The following USP32 variants were observed in gnomAD, a reference collection of about 807,000 sequenced individuals.
The protein encoded by USP32 is ubiquitin carboxyl-terminal hydrolase 32.
In USP32, 59 loss-of-function variants were observed where a neutral mutation model predicts 204.8. The observed-to-expected ratio is 0.29, with a 90% CI of 0.23 to 0.36. The LOEUF (loss-of-function observed/expected upper bound fraction) is 0.36, where lower values mean the gene tolerates loss of function less well. Among genes scored for constraint, USP32 ranks in the 10% least tolerant of loss-of-function variants. The pLI is 1.00. For missense variants in USP32, 1,160 were observed against 1,946.4 expected, an observed-to-expected ratio of 0.60 and a Z score of 7.60; for synonymous variants, 517 against 678.4, an observed-to-expected ratio of 0.76 and a Z score of 3.70.
chr17:60,268,582 CAAAA>C (rs57060420), intron 7 of USP32, among the ~76,000 whole-genome samples: 1 of 45,464 alleles, frequency 2.2e-5, no homozygotes, highest in East Asian at 7.4e-4. Flanking sequence ...GACCCTGTCT[CAAAA>C]AAAAAAAAAA....
At chr17:60,322,066 G>T (rs1567851309) in intron 2 of USP32, among the ~76,000 whole-genome samples, 1 of 152,088 alleles carries the variant, frequency 6.6e-6, no homozygotes, top group Non-Finnish European at 1.5e-5. Flanking sequence ...TAAGTAAAAT[G>T]TGACAACTAG....
chr17:60,290,987 C>T (rs759812109), intron 4 of USP32, among the ~76,000 whole-genome samples: 1 of 152,154 alleles, frequency 6.6e-6, no homozygotes, highest in Non-Finnish European at 1.5e-5. Flanking sequence ...TTACAATGTC[C>T]TAAGAACTGC....
At chr17:60,351,065 A>G (rs964924134) in intron 1 of USP32, among the ~76,000 whole-genome samples, 1 of 152,102 alleles carries the variant, frequency 6.6e-6, no homozygotes, top group African/African-American at 2.4e-5. Flanking sequence ...AAGCAAACGA[A>G]TTTACCCTGT....
At position 60,194,728 on chromosome 17, in the gene USP32, A is replaced by G. The variant is rs372376073; in HGVS notation, c.3435-1798T>C. Among the ~76,000 whole-genome samples, 5 of 152,150 alleles carry G rather than the reference A, an allele frequency of 3.3e-5. No individual in the cohort carries two copies. In the South Asian group the frequency reaches 1.0e-3, roughly 32 times the overall value. Reference sequence around the variant, plus strand: ...AGACCTTGTGAATACAAACTTTTCTACCTCCAAAATCTCAATTCCAAGTAT... The same window carrying G: ...AGACCTTGTGAATACAAACTTTTCTGCCTCCAAAATCTCAATTCCAAGTAT... On this transcript the variant is annotated intron_variant, in intron 27 of 33. Transcript: ENST00000300896.
chr17:60,391,305 C>T (rs1263512300), intron 1 of USP32, among the ~76,000 whole-genome samples: 1 of 152,140 alleles, frequency 6.6e-6, no homozygotes, highest in African/African-American at 2.4e-5. Context: ...TCGTTCTTAT[C>T]AAAGTCAGCC....
intron 11 of USP32, among the ~76,000 whole-genome samples, chr17:60,247,324 C>T (rs542136579): frequency 4.6e-5 from 7 of 151,812 alleles, no homozygotes; most frequent in Admixed American, 2.0e-4. Flanking sequence ...GGATTACAGG[C>T]GCCTGCCACC....
chr17:60,187,807 A>G (rs2084287385), intron 29 of USP32, among the ~76,000 whole-genome samples: 1 of 152,160 alleles, frequency 6.6e-6, no homozygotes, highest in African/African-American at 2.4e-5. Flanking sequence ...TAGATCCTCT[A>G]CTATTGTTTA....
intron 2 of USP32, among the ~76,000 whole-genome samples, chr17:60,311,343 T>G (rs1192930489): frequency 6.6e-6 from 1 of 152,244 alleles, no homozygotes; most frequent in African/African-American, 2.4e-5. Flanking sequence ...TAATACACTG[T>G]TATACTAATA....
At chr17:60,357,937 T>C (rs1376919919) in intron 1 of USP32, among the ~76,000 whole-genome samples, 1 of 151,890 alleles carries the variant, frequency 6.6e-6, no homozygotes, top group Non-Finnish European at 1.5e-5. Flanking sequence ...CCCAGCTAAT[T>C]TTGTATTTTT....
chr17:60,248,783 T>C (rs1322904856), intron 11 of USP32, among the ~76,000 whole-genome samples: 2 of 152,252 alleles, frequency 1.3e-5, no homozygotes, highest in African/African-American at 2.4e-5. Flanking sequence ...GAAGTCTTTG[T>C]GTGCTAAGGA....
At chr17:60,356,894 GA>G (rs1332551200) in intron 1 of USP32, among the ~76,000 whole-genome samples, 5 of 150,570 alleles carry the variant, frequency 3.3e-5, no homozygotes, top group African/African-American at 1.2e-4. Flanking sequence ...GTTCAAAGAA[GA>G]AAAAAAAACA....
chr17:60,185,824 G>A, intron 29 of USP32, 173 bp from the exon 30 acceptor site: 3 of 688,788 alleles, frequency 4.4e-6, no homozygotes, highest in Non-Finnish European at 6.7e-6. Context: ...CACTTTAGGA[G>A]GCCGAGGTGG....
At chr17:60,243,176 T>A (rs1020468394) in intron 11 of USP32, among the ~76,000 whole-genome samples, 2 of 152,330 alleles carry the variant, frequency 1.3e-5, no homozygotes, top group Non-Finnish European at 2.9e-5. Context: ...ATCTAGTACA[T>A]GACAATTCAA....
intron 1 of USP32, among the ~76,000 whole-genome samples, chr17:60,352,637 T>C (rs1432032513): frequency 2.0e-5 from 3 of 152,238 alleles, no homozygotes; most frequent in Non-Finnish European, 2.9e-5. Context: ...CAGGTTTACA[T>C]GCACATTGGT....
At chr17:60,327,754 G>T in intron 2 of USP32, among the ~76,000 whole-genome samples, 1 of 152,224 alleles carries the variant, frequency 6.6e-6, no homozygotes, top group South Asian at 2.1e-4. Context: ...GCAGGCTCAG[G>T]AATGTCTGCT....
chr17:60,272,912 G>T (rs1280241922), intron 5 of USP32, among the ~76,000 whole-genome samples: 1 of 152,184 alleles, frequency 6.6e-6, no homozygotes, highest in Non-Finnish European at 1.5e-5. Context: ...AGTAAGCTGT[G>T]TATACATGAA....
chr17:60,235,120 C>T (rs777837750), intron 12 of USP32, among the ~76,000 whole-genome samples: 11 of 152,056 alleles, frequency 7.2e-5, no homozygotes, highest in Non-Finnish European at 1.0e-4. Context: ...TGTGTTCCTA[C>T]GGAAAACAAA....
At chr17:60,232,947 A>ACTCATTT (rs1375352021) in intron 12 of USP32, among the ~76,000 whole-genome samples, 2 of 152,200 alleles carry the variant, frequency 1.3e-5, no homozygotes, top group African/African-American at 4.8e-5. Flanking sequence ...CACTGGGCTA[A>ACTCATTT]GTGCTTCACA....
At chr17:60,218,209 C>T (rs1302277531) in intron 16 of USP32, among the ~76,000 whole-genome samples, 2 of 151,842 alleles carry the variant, frequency 1.3e-5, no homozygotes, top group Non-Finnish European at 1.5e-5. Flanking sequence ...ATGGTGAAAC[C>T]CCGTCTCTAT....
Sources: gnomAD v4.1 joint callset for allele counts (sites outside exome capture counted in the v4.1 genomes callset) on GRCh38, gnomAD v4.1.1 for gene constraint, MANE v1.5 for transcripts, NCBI Gene and HGNC (gene_info 2026-07-23, HGNC 2026-07-21) for gene names.